Variants in NREP observed in about 807,000 individuals in gnomAD.
NREP encodes the protein neuronal regeneration-related protein.
In NREP, 5 loss-of-function variants were observed where a neutral mutation model predicts 8.6. The ratio of observed to expected loss-of-function variants is 0.58; its 90% CI spans 0.30 to 1.22. The LOEUF (loss-of-function observed/expected upper bound fraction) is 1.22. NREP is among the 50% of genes most tolerant of loss of function. The pLI is 0.07. For synonymous variants in NREP, 27 were observed against 28.0 expected, an observed-to-expected ratio of 0.96 and a Z score of 0.11; for missense variants, 86 against 82.5, an observed-to-expected ratio of 1.04 and a Z score of -0.17.
chr5:111,892,621 C>A (rs889614573), intron 2 of NREP, among the ~76,000 whole-genome samples: 15 of 148,132 alleles, frequency 1.0e-4, no homozygotes, highest in East Asian at 1.9e-4. Flanking sequence ...GGAAAAAAAA[C>A]CCAAAAAACA....
intron 2 of NREP, among the ~76,000 whole-genome samples, chr5:111,840,940 CAAG>C (rs1753015842): frequency 2.0e-5 from 3 of 151,988 alleles, no homozygotes; most frequent in African/African-American, 7.2e-5. Flanking sequence ...ATTTCAGCTT[CAAG>C]GAGGAGCAGC....
At chr5:111,881,580 C>T (rs931293401) in intron 2 of NREP, among the ~76,000 whole-genome samples, 1 of 152,162 alleles carries the variant, frequency 6.6e-6, no homozygotes, top group Non-Finnish European at 1.5e-5. Flanking sequence ...GAGGCACCCC[C>T]CAGTAGGGGC....
At chr5:111,820,278 T>C (rs1581140909) in intron 2 of NREP, among the ~76,000 whole-genome samples, 1 of 152,218 alleles carries the variant, frequency 6.6e-6, no homozygotes, top group South Asian at 2.1e-4. Context: ...GAGCGCCACC[T>C]TGCTTAATCT....
intron 2 of NREP, among the ~76,000 whole-genome samples, chr5:111,894,337 C>T (rs973628349): frequency 1.3e-5 from 2 of 151,814 alleles, no homozygotes; most frequent in African/African-American, 4.8e-5. Flanking sequence ...TTATAATGTA[C>T]AATTTTATTG....
At chr5:111,758,077 T>C (rs1028828646), upstream of NREP, 1 of 985,150 alleles carries the variant, frequency 1.0e-6, no homozygotes, top group Non-Finnish European at 1.2e-6. Context: ...ACACAAAGAG[T>C]CCGCGAAGGA....
At chr5:111,956,581 G>A (rs1756326365) in intron 2 of NREP, among the ~76,000 whole-genome samples, 1 of 151,870 alleles carries the variant, frequency 6.6e-6, no homozygotes, top group Non-Finnish European at 1.5e-5. Context: ...ATATCTAAAA[G>A]GAATTACAGA....
intron 2 of NREP, among the ~76,000 whole-genome samples, chr5:111,852,010 G>T (rs528118667): frequency 6.6e-6 from 1 of 152,262 alleles, no homozygotes; most frequent in African/African-American, 2.4e-5. Context: ...CCCCATTGTG[G>T]TAGTAGTAAG....
chr5:111,956,242 A>G (rs1471180501), intron 2 of NREP, among the ~76,000 whole-genome samples: 1 of 152,178 alleles, frequency 6.6e-6, no homozygotes, highest in African/African-American at 2.4e-5. Context: ...ATTGCAGAAC[A>G]TATGAGAATG....
intron 2 of NREP, among the ~76,000 whole-genome samples, chr5:111,798,563 T>C (rs1236270992): frequency 1.3e-5 from 2 of 152,192 alleles, no homozygotes; most frequent in African/African-American, 4.8e-5. Context: ...TTCATTCTTA[T>C]GCCTTTGCAT....
At chr5:111,827,514 C>T (rs1752656974) in intron 2 of NREP, among the ~76,000 whole-genome samples, 1 of 152,182 alleles carries the variant, frequency 6.6e-6, no homozygotes, top group Non-Finnish European at 1.5e-5. Flanking sequence ...CAGTGCTTTT[C>T]CAGAAAATGG....
intron 2 of NREP, among the ~76,000 whole-genome samples, chr5:111,851,814 A>G (rs1311087516): frequency 1.3e-5 from 2 of 152,240 alleles, no homozygotes; most frequent in Non-Finnish European, 2.9e-5. Flanking sequence ...GGTAATGTAT[A>G]CATTAGCTCA....
intron 2 of NREP, 50 bp from the exon 3 acceptor site, chr5:111,735,557 C>A: frequency 7.5e-7 from 1 of 1,338,744 alleles, no homozygotes; most frequent in South Asian, 1.2e-5. Flanking sequence ...AGGATCCACT[C>A]TGAAACTACA....
At chr5:111,755,660 T>C in intron 2 of NREP, 110 bp downstream of exon 2, 1 of 1,200,484 alleles carries the variant, frequency 8.3e-7, no homozygotes, top group Non-Finnish European at 1.2e-6. Flanking sequence ...AAAGGTCAGA[T>C]GGGGTGTAGA....
Position 111,890,743 on chromosome 5 carries a change from C to T in NREP, c.135+84531G>A, listed in dbSNP as rs534144752. Among the ~76,000 whole-genome samples, 13 of 152,292 alleles carry T rather than the reference C, an allele frequency of 8.5e-5. 1 individual carries two copies. Among genetic ancestry groups the T allele is most frequent in the South Asian group, 8.3e-4 (4 of 4,830 alleles). ...AGTCCCTTTGAGCCAAGGCTGGAGA[C>T]GGACTGGCTGGGATGTGGAGAGCAG... On this transcript the variant is annotated intron_variant, in intron 2 of 3. Transcript: ENST00000395634.
intron 2 of NREP, among the ~76,000 whole-genome samples, chr5:111,916,528 G>A (rs939324454): frequency 3.9e-5 from 6 of 152,136 alleles, no homozygotes; most frequent in African/African-American, 1.4e-4. Flanking sequence ...TAAATCTGAA[G>A]TGATTGTATC....
intron 2 of NREP, among the ~76,000 whole-genome samples, chr5:111,751,019 G>C (rs1278112300): frequency 2.6e-5 from 4 of 152,024 alleles, no homozygotes; most frequent in African/African-American, 9.7e-5. Flanking sequence ...AAGAGGTTAA[G>C]GATACAAATT....
chr5:111,835,186 G>A (rs1752863937), intron 2 of NREP, among the ~76,000 whole-genome samples: 1 of 152,066 alleles, frequency 6.6e-6, no homozygotes. Context: ...CCCTTGCCAG[G>A]GCTAGCCACA....
At chr5:111,807,626 G>A (rs957180986) in intron 2 of NREP, among the ~76,000 whole-genome samples, 1 of 152,066 alleles carries the variant, frequency 6.6e-6, no homozygotes, top group African/African-American at 2.4e-5. Flanking sequence ...TAGAGTGAAA[G>A]GTAGTTGCTT....
At chr5:111,818,115 T>G (rs1389617524) in intron 2 of NREP, among the ~76,000 whole-genome samples, 3 of 152,142 alleles carry the variant, frequency 2.0e-5, no homozygotes, top group Admixed American at 2.0e-4. Flanking sequence ...AAATGCAACT[T>G]TAAAGATGAT....
Sources: gnomAD v4.1 joint callset for allele counts (sites outside exome capture counted in the v4.1 genomes callset) on GRCh38, gnomAD v4.1.1 for gene constraint, MANE v1.5 for transcripts, NCBI Gene and HGNC (gene_info 2026-07-23, HGNC 2026-07-21) for gene names.